Variants in TSHZ1 observed in about 807,000 individuals in gnomAD.
TSHZ1 encodes the protein teashirt homolog 1.
A neutral mutation model predicts 67.1 loss-of-function variants in TSHZ1; 12 were observed. That is an observed-to-expected ratio of 0.18 (90% CI 0.11 to 0.29). The LOEUF (loss-of-function observed/expected upper bound fraction) is 0.29, where lower values mean the gene tolerates loss of function less well. Ranked by LOEUF, TSHZ1 falls within the 10% of genes least tolerant of loss-of-function variation. The pLI is 1.00. For synonymous variants in TSHZ1, 632 were observed against 622.4 expected (o/e 1.02, Z -0.23); for missense variants, 1,305 against 1,413.9 (o/e 0.92, Z 1.23).
chr18:75,286,471 C>A lies in TSHZ1; in HGVS notation c.1064C>A (p.Ala355Glu). The change falls in exon 2 of 2, where the codon GCG becomes GAG. Residue 355 changes from alanine to glutamate, a missense_variant. Ala to Glu is a moderately radical substitution (Grantham distance 107). This residue lies in a region of TSHZ1 where 909 missense variants were observed against 961.8 expected (regional missense o/e 0.95). Coordinates refer to ENST00000580243, the MANE Select transcript of TSHZ1 (RefSeq NM_001308210.2). The surrounding 1 kb of genome is among the most constrained non-coding windows in gnomAD (Gnocchi z 5.1). ...CTGGTCCCCTCCACCAAAAAGCGGG[C>A]GCTTCAGGACCTGGCGCCCCCCTGC... The part of the protein sequence containing the change: ...TKLVPSTKKR[A>E]LQDLAPPCSP... 6.2e-7 allele frequency: 1 copy of A among 1,614,194 alleles called. No individual in the cohort carries two copies. Among genetic ancestry groups the A allele is most frequent in the Non-Finnish European group, 8.5e-7 (1 of 1,180,038 alleles).
At chr18:75,225,074 A>C (rs2022905887) in intron 1 of TSHZ1, among the ~76,000 whole-genome samples, 1 of 152,088 alleles carries the variant, frequency 6.6e-6, no homozygotes, top group Admixed American at 6.5e-5. Context: ...ATGAAATTGG[A>C]AATAAGCTGA....
chr18:75,282,414 C>T (rs2023697836), intron 1 of TSHZ1, among the ~76,000 whole-genome samples: 1 of 152,206 alleles, frequency 6.6e-6, no homozygotes, highest in Non-Finnish European at 1.5e-5. Flanking sequence ...GTAAGTTTCC[C>T]ATTTCTGTGT....
At chr18:75,257,875 T>C (rs1471958597) in intron 1 of TSHZ1, among the ~76,000 whole-genome samples, 1 of 152,144 alleles carries the variant, frequency 6.6e-6, no homozygotes, top group Non-Finnish European at 1.5e-5. Flanking sequence ...CTTTGTAAAA[T>C]GATAGAGCTG....
At chr18:75,279,882 C>T (rs932634606) in intron 1 of TSHZ1, among the ~76,000 whole-genome samples, 5 of 152,162 alleles carry the variant, frequency 3.3e-5, no homozygotes, top group Non-Finnish European at 7.4e-5. Flanking sequence ...TTGCTTCTAG[C>T]GAATTTATTC....
In TSHZ1 at chr18:75,286,148, G is replaced by T; in HGVS notation, c.741G>T (p.Arg247=). 1 of 1,613,742 alleles carries T rather than the reference G, an allele frequency of 6.2e-7. No individual in the cohort carries two copies. The highest frequency in any genetic ancestry group is 8.5e-7 in the Non-Finnish European group (1 of 1,179,710). ...TCTTCACGGGCGCCAGCAAGTTCCGGTGCAAAGACTGCAGTGCCGCGTACG... is the reference window on the plus strand; with the variant it reads ...TCTTCACGGGCGCCAGCAAGTTCCGTTGCAAAGACTGCAGTGCCGCGTACG... ...GSVFTGASKF[R]CKDCSAAYDT... The change falls in exon 2 of 2, where the codon CGG becomes CGT. Residue 247 remains arginine, a synonymous_variant. Transcript: ENST00000580243. The surrounding 1 kb of genome is among the most constrained non-coding windows in gnomAD (Gnocchi z 5.1).
At chr18:75,232,889 G>A (rs967871937) in intron 1 of TSHZ1, among the ~76,000 whole-genome samples, 6 of 152,252 alleles carry the variant, frequency 3.9e-5, no homozygotes, top group African/African-American at 1.4e-4. Context: ...AAGACTGGCA[G>A]TAACCTCATG....
rs1404566656 is a variant in TSHZ1, at chr18:75,287,052, C to G, written c.1645C>G (p.Leu549Val). 5.0e-6 allele frequency: 8 copies of G among 1,613,928 alleles called. No homozygotes were observed. The highest frequency in any genetic ancestry group is 6.8e-6 in the Non-Finnish European group (8 of 1,180,026). The change falls in exon 2 of 2, where the codon CTG becomes GTG. Residue 549 changes from leucine (L) to valine (V), a missense_variant. Physicochemically the swap from Leu to Val is conservative, Grantham distance 32. Transcript: ENST00000580243. This position sits in a 1 kb window ranked among gnomAD's most constrained non-coding sequence, Gnocchi z 5.0. ...CCTGGACGACAGCCCCAAGGGAGGG[C>G]TGGACATTCTCAAGTCCCTGGAGAA... The part of the protein sequence containing the change: ...EDLDDSPKGG[L>V]DILKSLENTV...
chr18:75,228,401 A>G (rs1003240597), intron 1 of TSHZ1, among the ~76,000 whole-genome samples: 1 of 152,218 alleles, frequency 6.6e-6, no homozygotes, highest in Non-Finnish European at 1.5e-5. Flanking sequence ...TGATAGGGTT[A>G]GAAATGGAGA....
At chr18:75,276,463 T>C (rs1287584743) in intron 1 of TSHZ1, among the ~76,000 whole-genome samples, 1 of 152,210 alleles carries the variant, frequency 6.6e-6, no homozygotes, top group Non-Finnish European at 1.5e-5. Flanking sequence ...CTGCTCTCTG[T>C]GCATTTTTTT....
intron 1 of TSHZ1, among the ~76,000 whole-genome samples, chr18:75,231,579 G>A (rs917211432): frequency 6.6e-6 from 1 of 152,198 alleles, no homozygotes; most frequent in African/African-American, 2.4e-5. Context: ...TCTGTCCCCA[G>A]GCTGGAGTGC....
At chr18:75,225,466 G>C (rs111387886) in intron 1 of TSHZ1, among the ~76,000 whole-genome samples, 2 of 152,196 alleles carry the variant, frequency 1.3e-5, no homozygotes, top group Non-Finnish European at 2.9e-5. Flanking sequence ...TTCTGACTGT[G>C]AGCTGGCCCA....
At chr18:75,230,186 T>C (rs996069629) in intron 1 of TSHZ1, among the ~76,000 whole-genome samples, 5 of 152,204 alleles carry the variant, frequency 3.3e-5, no homozygotes, top group African/African-American at 4.8e-5. Flanking sequence ...CTAAATGTAT[T>C]GTAACCATTA....
At chr18:75,264,370 C>T (rs1184915341) in intron 1 of TSHZ1, among the ~76,000 whole-genome samples, 2 of 152,128 alleles carry the variant, frequency 1.3e-5, no homozygotes, top group Non-Finnish European at 2.9e-5. Context: ...AAAATAATTA[C>T]TTTAGCAATT....
chr18:75,277,059 G>C (rs1402361208), intron 1 of TSHZ1, among the ~76,000 whole-genome samples: 1 of 152,208 alleles, frequency 6.6e-6, no homozygotes, highest in Non-Finnish European at 1.5e-5. Flanking sequence ...TCCTTCCTCT[G>C]TTCTTTGGCA....
chr18:75,224,268 G>T (rs1341607689), intron 1 of TSHZ1, among the ~76,000 whole-genome samples: 1 of 152,004 alleles, frequency 6.6e-6, no homozygotes, highest in Non-Finnish European at 1.5e-5. Context: ...TATTACCTTT[G>T]ATGTCTATTG....
Position 75,215,409 on chromosome 18 carries a change from A to G in TSHZ1, c.40+3493A>G, listed in dbSNP as rs1455772689. On this transcript the variant is annotated intron_variant, in intron 1 of 1. Coordinates refer to ENST00000580243, the MANE Select transcript of TSHZ1 (RefSeq NM_001308210.2). ...GTGTGCCTCTCTCAAGATGGTGAAC[A>G]TCTCAGGCCCTGGTAGGCCTGAAAT... Among the ~76,000 whole-genome samples, 11 of 152,172 alleles carry G rather than the reference A, an allele frequency of 7.2e-5. No individual in the cohort carries two copies. The East Asian group carries it at 1.9e-3, about 27-fold the overall frequency.
At position 75,285,991 on chromosome 18, in the gene TSHZ1, C is replaced by G. The variant is rs2023754159; in HGVS notation, c.584C>G (p.Ser195Cys). The change falls in exon 2 of 2, where the codon TCC becomes TGC. Residue 195 changes from serine to cysteine, a missense_variant. By Grantham distance (112) the Ser-to-Cys change is moderately radical (BLOSUM62 -1). Around this residue, in one of 3 missense-constraint regions of TSHZ1, gnomAD observed 358 missense variants for 375.6 expected, o/e 0.95. Coordinates refer to ENST00000580243, the MANE Select transcript of TSHZ1 (RefSeq NM_001308210.2). ...AGTACCACCAGTACCAGCAGCAGCT[C>G]CGGGTACGACTGGCACCAGGCTGCA... Reference protein sequence around the residue: ...HSSTTSTSSSSGYDWHQAALA... With the variant: ...HSSTTSTSSSCGYDWHQAALA... The G allele has an allele frequency of 1.2e-6, 2 of 1,603,352 alleles. No homozygotes were observed. The highest frequency in any genetic ancestry group is 4.5e-5 in the East Asian group (2 of 44,250).
At chr18:75,246,403 G>GGTGTGGGT (rs2023222747) in intron 1 of TSHZ1, among the ~76,000 whole-genome samples, 2 of 108,372 alleles carry the variant, frequency 1.8e-5, no homozygotes, top group South Asian at 7.6e-4. Context: ...TTTGGTTTCT[G>GGTGTGGGT]GTGTGTGTGT....
chr18:75,228,589 G>T (rs2022955564), intron 1 of TSHZ1, among the ~76,000 whole-genome samples: 1 of 152,246 alleles, frequency 6.6e-6, no homozygotes, highest in South Asian at 2.1e-4. Context: ...TTATCCTTGT[G>T]TGCCTAAAGG....
Sources: allele counts gnomAD v4.1 joint callset (sites outside exome capture counted in the v4.1 genomes callset), GRCh38; gene constraint gnomAD v4.1.1; regional missense constraint gnomAD v4.1.1; non-coding constraint Gnocchi (gnomAD v3.1); transcripts MANE v1.5; gene names NCBI Gene and HGNC (gene_info 2026-07-23, HGNC 2026-07-21).